Variants in WSB2 observed in about 807,000 individuals in gnomAD.
WSB2 encodes the protein WD repeat and SOCS box-containing protein 2.
WSB2 carries 12 observed loss-of-function variants against 48.8 expected under a neutral mutation model. The observed-to-expected ratio is 0.25, with a 90% CI of 0.16 to 0.40. The LOEUF is 0.40. Among genes scored for constraint, WSB2 ranks in the 10% least tolerant of loss-of-function variants. WSB2 has a pLI of 1.00. For missense variants in WSB2, 317 were observed against 506.2 expected, an observed-to-expected ratio of 0.63 and a Z score of 3.59; for synonymous variants, 191 against 203.1, an observed-to-expected ratio of 0.94 and a Z score of 0.51.
intron 2 of WSB2, 52 bp from the exon 3 acceptor site, chr12:118,043,429 A>G (rs1254751783): frequency 4.0e-6 from 6 of 1,512,792 alleles, no homozygotes; most frequent in Non-Finnish European, 5.3e-6. Context: ...CCAGTCTATC[A>G]ACTTTTCATC....
chr12:118,042,703 G>A (rs2031662113), intron 4 of WSB2, 138 bp downstream of exon 4: 1 of 1,414,296 alleles, frequency 7.1e-7, no homozygotes, highest in Non-Finnish European at 9.5e-7. Context: ...GGAAAAAACT[G>A]TCTAAAAGGC....
rs1357471510 is a variant in WSB2, at chr12:118,056,590, C to T, written c.14-4112G>A. On this transcript the variant is annotated intron_variant, in intron 1 of 8. Transcript: ENST00000315436. ...TGTCTAATAAATACATATGGTATAA[C>T]TCTTTAAACAAAAAAGTAACATAAA... Among the ~76,000 whole-genome samples the T allele has an allele frequency of 2.0e-5, 3 of 152,104 alleles. No individual in the cohort carries two copies. In the East Asian group the frequency reaches 5.8e-4, roughly 29 times the overall value.
chr12:118,037,609 A>C (rs1436072630), intron 5 of WSB2, among the ~76,000 whole-genome samples: 1 of 151,732 alleles, frequency 6.6e-6, no homozygotes, highest in East Asian at 1.9e-4. Flanking sequence ...CGGAGGTTGC[A>C]GTAAGCCGAG....
chr12:118,062,074 GGAA>G (rs1411195401), upstream of WSB2: 10 of 1,533,004 alleles, frequency 6.5e-6, no homozygotes, highest in Non-Finnish European at 7.9e-6. Context: ...GGAGCGATTC[GGAA>G]GAAGACTGTC....
At chr12:118,052,516 C>T in intron 1 of WSB2, 38 bp from the exon 2 acceptor site, 14 of 1,610,828 alleles carry the variant, frequency 8.7e-6, no homozygotes, top group Non-Finnish European at 1.1e-5. Context: ...CACACACCCC[C>T]TTGCTCCCTG....
At chr12:118,047,597 T>C (rs1026984058) in intron 2 of WSB2, among the ~76,000 whole-genome samples, 1 of 152,208 alleles carries the variant, frequency 6.6e-6, no homozygotes, top group African/African-American at 2.4e-5. Context: ...GTGTGGCGGC[T>C]ACGCCTTTAG....
chr12:118,048,398 G>C (rs1375237337), intron 2 of WSB2, among the ~76,000 whole-genome samples: 2 of 151,910 alleles, frequency 1.3e-5, no homozygotes, highest in Non-Finnish European at 2.9e-5. Context: ...GACTGGCCTG[G>C]GCAACATGGT....
chr12:118,048,681 GA>G (rs199674891), intron 2 of WSB2, among the ~76,000 whole-genome samples: 4,169 of 150,840 alleles, frequency 0.028, 175 homozygotes, highest in African/African-American at 0.089. Context: ...TAATAAATAT[GA>G]AAAAAAATGG....
intron 1 of WSB2, among the ~76,000 whole-genome samples, chr12:118,054,215 TCCA>T (rs2031908588): frequency 4.4e-5 from 1 of 22,808 alleles, no homozygotes; most frequent in African/African-American, 2.0e-4. Flanking sequence ...CTACTAAAAA[TCCA>T]AAAAAAAAAA....
intron 1 of WSB2, among the ~76,000 whole-genome samples, chr12:118,058,805 T>G (rs2032010792): frequency 6.6e-6 from 1 of 152,022 alleles, no homozygotes; most frequent in Non-Finnish European, 1.5e-5. Context: ...CAAGCGGTTC[T>G]CCTGCCTCAG....
chr12:118,045,234 G>T (rs2031721541), intron 2 of WSB2, among the ~76,000 whole-genome samples: 1 of 151,914 alleles, frequency 6.6e-6, no homozygotes, highest in Non-Finnish European at 1.5e-5. Context: ...CGTGGTGGCG[G>T]GTGCCTGTAG....
At chr12:118,055,343 T>G (rs1433670306) in intron 1 of WSB2, among the ~76,000 whole-genome samples, 1 of 152,168 alleles carries the variant, frequency 6.6e-6, no homozygotes, top group Non-Finnish European at 1.5e-5. Context: ...AAGAATCATC[T>G]GGCCCAAAAT....
rs1262934844 is a variant in WSB2 at position 118,038,276 on chromosome 12, C to T, written c.660+12G>A. ...GTCTCAGTGAATTAAAGCAATAACG[C>T]TGGAGACTCACCGACTTCTCTCCAG... On this transcript the variant is annotated intron_variant, in intron 5 of 8. Coordinates refer to ENST00000315436, the MANE Select transcript of WSB2 (RefSeq NM_018639.5). The T allele has an allele frequency of 6.2e-7, 1 of 1,611,580 alleles. No homozygotes were observed. The highest frequency in any genetic ancestry group is 8.5e-7 in the Non-Finnish European group (1 of 1,178,864).
intron 1 of WSB2, among the ~76,000 whole-genome samples, chr12:118,059,383 G>T (rs4131122): frequency 6.6e-6 from 1 of 151,842 alleles, no homozygotes; most frequent in African/African-American, 2.4e-5. Context: ...TCTGTTGGTC[G>T]GGGCTGGCCT....
rs1471503003 is a variant in WSB2, at chr12:118,033,288, A to G, written c.*908T>C. Reference sequence around the variant, plus strand: ...GACAGATCTCGTACATAAGAGTATCAGCTAAAGTCATGACTACACCAATTC... The same window carrying G: ...GACAGATCTCGTACATAAGAGTATCGGCTAAAGTCATGACTACACCAATTC... On this transcript the variant is annotated 3_prime_UTR_variant, in exon 9 of 9. Transcript: ENST00000315436. 2 of 152,608 alleles carry G rather than the reference A, an allele frequency of 1.3e-5. No homozygotes were observed. Among genetic ancestry groups the G allele is most frequent in the African/African-American group, 4.8e-5 (2 of 41,450 alleles). 9.5% of individuals were successfully genotyped at this position (152,608 alleles called of 1,614,324 possible). A position where few individuals can be genotyped will look rare whatever the true frequency, so the allele number is the denominator to read the frequency against.
At chr12:118,058,076 G>C (rs2031995107) in intron 1 of WSB2, among the ~76,000 whole-genome samples, 3 of 152,050 alleles carry the variant, frequency 2.0e-5, no homozygotes, top group African/African-American at 7.2e-5. Context: ...ACAATGGGAT[G>C]TGTTTGGACA....
intron 2 of WSB2, among the ~76,000 whole-genome samples, chr12:118,049,278 A>C (rs554769748): frequency 6.6e-6 from 1 of 152,324 alleles, no homozygotes; most frequent in African/African-American, 2.4e-5. Context: ...AAAATATCAT[A>C]TGGAAATGGT....
At chr12:118,035,352 GC>G in intron 6 of WSB2, 28 bp from the exon 7 acceptor site, 1 of 1,600,248 alleles carries the variant, frequency 6.2e-7, no homozygotes. Context: ...AGGATGGCAG[GC>G]CTGGAGTGAT....
At chr12:118,043,078 G>T in intron 3 of WSB2, 55 bp downstream of exon 3, 1 of 1,613,938 alleles carries the variant, frequency 6.2e-7, no homozygotes, top group Non-Finnish European at 8.5e-7. Context: ...AGGCGACATA[G>T]TCAGAACATG....
Sources: gnomAD v4.1 joint callset for allele counts (sites outside exome capture counted in the v4.1 genomes callset) on GRCh38, gnomAD v4.1.1 for gene constraint, MANE v1.5 for transcripts, NCBI Gene and HGNC (gene_info 2026-07-23, HGNC 2026-07-21) for gene names.